Variants in SSBP3 observed in about 807,000 individuals in gnomAD.
The protein encoded by SSBP3 is single-stranded DNA-binding protein 3.
A neutral mutation model predicts 69.6 loss-of-function variants in SSBP3; 5 were observed. The observed-to-expected ratio is 0.07, with a 90% CI of 0.04 to 0.15. The LOEUF (loss-of-function observed/expected upper bound fraction) is 0.15, where lower values mean the gene tolerates loss of function less well. Ranked by LOEUF, SSBP3 falls within the 10% of genes least tolerant of loss-of-function variation. The pLI is 1.00. For missense variants in SSBP3, 312 were observed against 534.0 expected (o/e 0.58, Z 4.10); for synonymous variants, 196 against 193.4 (o/e 1.01, Z -0.11).
At chr1:54,302,005 C>G (rs1442528175) in intron 4 of SSBP3, among the ~76,000 whole-genome samples, 2 of 149,082 alleles carry the variant, frequency 1.3e-5, no homozygotes, top group South Asian at 2.1e-4. Context: ...ACGAACTATG[C>G]AATCCTCTCT....
chr1:54,291,547 G>A (rs1210634883), intron 4 of SSBP3, among the ~76,000 whole-genome samples: 2 of 152,174 alleles, frequency 1.3e-5, no homozygotes, highest in East Asian at 1.9e-4. Flanking sequence ...CACTAATTGC[G>A]CTAATTTAGC....
chr1:54,307,579 T>A (rs976010749), intron 4 of SSBP3, among the ~76,000 whole-genome samples: 1 of 152,044 alleles, frequency 6.6e-6, no homozygotes, highest in African/African-American at 2.4e-5. Context: ...AGGAGCTGGG[T>A]AAGATGAGGC....
intron 4 of SSBP3, among the ~76,000 whole-genome samples, chr1:54,349,531 C>T (rs1022178892): frequency 6.6e-6 from 1 of 152,182 alleles, no homozygotes; most frequent in South Asian, 2.1e-4. Flanking sequence ...CTGGTTCCCC[C>T]CAAATGAAGC....
In SSBP3 at chr1:54,258,491, C is replaced by A. The variant is rs924968594; in HGVS notation, c.367-342G>T. On this transcript the variant is annotated intron_variant, in intron 5 of 17. Transcript: ENST00000610401. This position sits in a 1 kb window ranked among gnomAD's most constrained non-coding sequence, Gnocchi z 4.5. Reference sequence around the variant, plus strand: ...TTAAATACGTTGGTTGAGACGGGCTCAGAGGGAGTACAATGATGCACAGAC... The same window carrying A: ...TTAAATACGTTGGTTGAGACGGGCTAAGAGGGAGTACAATGATGCACAGAC... Among the ~76,000 whole-genome samples the A allele has an allele frequency of 1.6e-4, 25 of 152,186 alleles. No individual in the cohort carries two copies. The highest frequency in any genetic ancestry group is 7.3e-5 in the Non-Finnish European group (5 of 68,038).
At chr1:54,352,981 G>A (rs1011815882) in intron 4 of SSBP3, among the ~76,000 whole-genome samples, 2 of 152,178 alleles carry the variant, frequency 1.3e-5, no homozygotes, top group Non-Finnish European at 2.9e-5. Context: ...TGGCAAACCC[G>A]AGAACTGCAG....
At chr1:54,245,418 G>A (rs1044899519) in intron 9 of SSBP3, among the ~76,000 whole-genome samples, 1 of 152,180 alleles carries the variant, frequency 6.6e-6, no homozygotes, top group Non-Finnish European at 1.5e-5. Flanking sequence ...GGCGGGAGGC[G>A]GGTGGGAAGG....
intron 4 of SSBP3, among the ~76,000 whole-genome samples, chr1:54,341,537 A>C (rs1384392883): frequency 6.6e-6 from 1 of 152,176 alleles, no homozygotes; most frequent in Admixed American, 6.5e-5. Context: ...CTCCCATGGT[A>C]GTAAGTGCTG....
intron 9 of SSBP3, among the ~76,000 whole-genome samples, chr1:54,250,528 G>A (rs1467173334): frequency 2.0e-5 from 2 of 98,276 alleles, no homozygotes; most frequent in African/African-American, 5.3e-5. Context: ...AAGGGAGCAC[G>A]TGTGGGCGGG....
intron 4 of SSBP3, among the ~76,000 whole-genome samples, chr1:54,300,395 GC>G (rs1391763800): frequency 1.3e-5 from 2 of 152,180 alleles, no homozygotes; most frequent in Non-Finnish European, 2.9e-5. Flanking sequence ...TGTCAGTTCA[GC>G]TCAGGGGCCC....
At chr1:54,236,471 T>C (rs1312980610) in intron 14 of SSBP3, 1 of 152,194 alleles carries the variant, frequency 6.6e-6, no homozygotes, top group Non-Finnish European at 1.5e-5. Context: ...GAGGATGTCT[T>C]GCTTTGTTAC....
At chr1:54,393,117 G>A (rs976479095) in intron 4 of SSBP3, among the ~76,000 whole-genome samples, 1 of 152,210 alleles carries the variant, frequency 6.6e-6, no homozygotes, top group East Asian at 1.9e-4. Flanking sequence ...TAGAAAATGA[G>A]AAGTCACTAG....
intron 4 of SSBP3, among the ~76,000 whole-genome samples, chr1:54,312,602 G>T (rs573578613): frequency 7.6e-4 from 115 of 152,148 alleles, no homozygotes; most frequent in African/African-American, 2.5e-3. Flanking sequence ...CAGAGAACAT[G>T]TCCTGTACAC....
intron 4 of SSBP3, among the ~76,000 whole-genome samples, chr1:54,376,533 G>A (rs531485955): frequency 5.9e-5 from 9 of 152,264 alleles, no homozygotes; most frequent in South Asian, 2.1e-4. Context: ...GGAAAAACTC[G>A]TCTTTGGGGC....
chr1:54,276,405 A>C (rs536684), intron 5 of SSBP3, among the ~76,000 whole-genome samples: 6 of 151,424 alleles, frequency 4.0e-5, no homozygotes, highest in African/African-American at 1.5e-4. Context: ...GAGGTCAGGA[A>C]TTCGAGACCG....
chr1:54,275,786 G>A (rs572169660), intron 5 of SSBP3, among the ~76,000 whole-genome samples: 1 of 152,256 alleles, frequency 6.6e-6, no homozygotes, highest in South Asian at 2.1e-4. Flanking sequence ...AGCTCACAGG[G>A]GCATGTCTGA....
chr1:54,327,182 T>G (rs1233159362), intron 4 of SSBP3, among the ~76,000 whole-genome samples: 1 of 147,248 alleles, frequency 6.8e-6, no homozygotes, highest in Non-Finnish European at 1.5e-5. Context: ...AATGCCCTTC[T>G]CCCGCTTCCT....
chr1:54,292,891 C>T (rs558278725), intron 4 of SSBP3, among the ~76,000 whole-genome samples: 14 of 152,064 alleles, frequency 9.2e-5, no homozygotes, highest in East Asian at 1.9e-4. Context: ...AGCCCCTCCA[C>T]GAGGCATCAC....
chr1:54,382,441 G>A (rs1647724378), intron 4 of SSBP3, among the ~76,000 whole-genome samples: 2 of 152,124 alleles, frequency 1.3e-5, no homozygotes, highest in African/African-American at 4.8e-5. Context: ...GGTCTGTGAG[G>A]GCAAAAGATT....
At chr1:54,318,163 T>C (rs1005513662) in intron 4 of SSBP3, among the ~76,000 whole-genome samples, 1 of 152,164 alleles carries the variant, frequency 6.6e-6, no homozygotes, top group Non-Finnish European at 1.5e-5. Context: ...CAAATGAACA[T>C]GGTTCCAGGT....
Sources: allele counts gnomAD v4.1 joint callset (sites outside exome capture counted in the v4.1 genomes callset), GRCh38; gene constraint gnomAD v4.1.1; non-coding constraint Gnocchi (gnomAD v3.1); transcripts MANE v1.5; gene names NCBI Gene and HGNC (gene_info 2026-07-23, HGNC 2026-07-21).